BBS7: variants seen among roughly 807,000 people sequenced by gnomAD.
BBS7 encodes BBSome complex member BBS7.
BBS7 carries 50 observed loss-of-function variants against 90.3 expected under a neutral mutation model. The ratio of observed to expected loss-of-function variants is 0.55; its 90% CI spans 0.44 to 0.70. The LOEUF (loss-of-function observed/expected upper bound fraction) is 0.70. Among genes scored for constraint, BBS7 ranks in the 30% least tolerant of loss-of-function variants. The probability of loss-of-function intolerance (pLI) is 0.00; values close to 1 mark genes in which losing one functional copy is unlikely to be tolerated. For missense variants in BBS7, 729 were observed against 838.9 expected, an observed-to-expected ratio of 0.87 and a Z score of 1.62; for synonymous variants, 235 against 287.4, an observed-to-expected ratio of 0.82 and a Z score of 1.85.
intron 7 of BBS7, among the ~76,000 whole-genome samples, chr4:121,853,643 GA>G (rs1726442614): frequency 1.3e-5 from 2 of 151,638 alleles, no homozygotes; most frequent in African/African-American, 2.4e-5. Context: ...GCCTAGACTA[GA>G]ATAAATTATA....
rs143399695 is a variant in BBS7 at position 121,838,527 on chromosome 4, T to C, written c.1371+1104A>G. On this transcript the variant is annotated intron_variant, in intron 13 of 18. Transcript: ENST00000264499. The stretch of plus-strand genomic sequence containing the variant: ...AAGTATTTAATTATGAAAATGACTA[T>C]GTCATTAAATTGCTAGAGAAAACTT... Among the ~76,000 whole-genome samples, 90 of 152,306 alleles carry C rather than the reference T, an allele frequency of 5.9e-4. 1 individual carries two copies. The highest frequency in any genetic ancestry group is 3.1e-3 in the Admixed American group (47 of 15,296).
chr4:121,856,085 T>A (rs1272814234), intron 5 of BBS7, among the ~76,000 whole-genome samples: 3 of 152,174 alleles, frequency 2.0e-5, no homozygotes, highest in Non-Finnish European at 4.4e-5. Context: ...TCCTATCAAG[T>A]CTCTAGGAAC....
chr4:121,856,184 T>C (rs559749122), intron 5 of BBS7, among the ~76,000 whole-genome samples: 10 of 152,182 alleles, frequency 6.6e-5, no homozygotes, highest in Non-Finnish European at 1.0e-4. Context: ...AGTTACTTCC[T>C]AAGGAAAATT....
chr4:121,836,973 T>G (rs532902749), intron 13 of BBS7, among the ~76,000 whole-genome samples: 100 of 152,128 alleles, frequency 6.6e-4, no homozygotes, highest in African/African-American at 2.2e-3. Context: ...TTTTTGTTTT[T>G]TTTTGAGATA....
At chr4:121,847,770 A>T (rs1383917078) in intron 9 of BBS7, among the ~76,000 whole-genome samples, 1 of 152,040 alleles carries the variant, frequency 6.6e-6, no homozygotes, top group Admixed American at 6.5e-5. Flanking sequence ...GGAATCTTTT[A>T]CTTAACAGAT....
In BBS7 at chr4:121,855,094, C is replaced by T. The variant is rs142410793; in HGVS notation, c.602-274G>A. Among the ~76,000 whole-genome samples, 416 of 152,150 alleles carry T rather than the reference C, an allele frequency of 2.7e-3. 1 individual carries two copies. The highest frequency in any genetic ancestry group is 9.7e-3 in the African/African-American group (403 of 41,504). On this transcript the variant is annotated intron_variant, in intron 6 of 18. Transcript: ENST00000264499. ...TTGGGAGACTGAGGTGAGAGGATCC[C>T]TTGAGCCCAGGAGTTCCAGACTAAC...
rs191806500 is a variant in BBS7 at position 121,826,776 on chromosome 4, G to A, written c.2015-783C>T. ...AGGTGGGCAGATCACGAAGTCAGGGGTTGGAGACCAGCCTGGCCAATATGG... is the reference window on the plus strand; with the variant it reads ...AGGTGGGCAGATCACGAAGTCAGGGATTGGAGACCAGCCTGGCCAATATGG... On this transcript the variant is annotated intron_variant, in intron 18 of 18. Coordinates refer to ENST00000264499, the MANE Select transcript of BBS7 (RefSeq NM_176824.3). 2.6e-4 allele frequency among the ~76,000 whole-genome samples: 39 copies of A among 152,256 alleles called. 1 individual carries two copies. In the South Asian group the frequency reaches 2.9e-3, roughly 11 times the overall value.
Position 121,842,108 on chromosome 4 carries a change from C to T in BBS7, c.1305+1819G>A, listed in dbSNP as rs182566967. The stretch of plus-strand genomic sequence containing the variant: ...CTCTACTAAAAATACAAAAATTAGC[C>T]GGGTGTGGTGGCGTGTGCGTGTAGT... On this transcript the variant is annotated intron_variant, in intron 12 of 18. Transcript: ENST00000264499. Among the ~76,000 whole-genome samples the T allele has an allele frequency of 3.1e-4, 47 of 151,682 alleles. 1 individual carries two copies. Among genetic ancestry groups the T allele is most frequent in the South Asian group, 1.9e-3 (9 of 4,792 alleles).
intron 8 of BBS7, among the ~76,000 whole-genome samples, chr4:121,850,144 T>C (rs1334647936): frequency 6.6e-6 from 1 of 151,856 alleles, no homozygotes; most frequent in Non-Finnish European, 1.5e-5. Context: ...TTAAAATAAT[T>C]GTAGGGAGCT....
chr4:121,845,474 T>C (rs1171615044), intron 11 of BBS7, 30 bp downstream of exon 11: 1 of 1,577,266 alleles, frequency 6.3e-7, no homozygotes, highest in Admixed American at 1.7e-5. Flanking sequence ...GATCCAGTCA[T>C]AAAACTAAGA....
At position 121,835,300 on chromosome 4, in the gene BBS7, G is replaced by A; in HGVS notation, c.1372-17C>T. 6.2e-7 allele frequency: 1 copy of A among 1,613,238 alleles called. No homozygotes were observed. The highest frequency in any genetic ancestry group is 8.5e-7 in the Non-Finnish European group (1 of 1,179,390). On this transcript the variant is annotated splice_polypyrimidine_tract_variant and intron_variant, in intron 13 of 18. Transcript: ENST00000264499. ...TGAGCGAATCTGATTCAACACAAAA[G>A]AGGAAATAAAATAAGAATATTTAGC...
Position 121,870,413 on chromosome 4 carries a change from C to T in BBS7, c.-100G>A, listed in dbSNP as rs1727525968. The T allele has an allele frequency of 7.1e-7, 1 of 1,404,320 alleles. No individual in the cohort carries two copies. Among genetic ancestry groups the T allele is most frequent in the Non-Finnish European group, 1.0e-6 (1 of 998,684 alleles). The allele number at this position is 1,404,320 out of a possible 1,614,324, so 87.0% of individuals were successfully genotyped here. ...GACCCAGTCAGAAGGCTGCCCGCGCCCCTCAAAAGCCAGCCCCAGCTACCG... is the reference window on the plus strand; with the variant it reads ...GACCCAGTCAGAAGGCTGCCCGCGCTCCTCAAAAGCCAGCCCCAGCTACCG... On this transcript the variant is annotated 5_prime_UTR_variant, in exon 1 of 19. Coordinates refer to ENST00000264499, the MANE Select transcript of BBS7 (RefSeq NM_176824.3).
chr4:121,845,254 G>A lies in BBS7; in HGVS notation c.1230+250C>T, dbSNP rs144966719. 5.5e-3 allele frequency among the ~76,000 whole-genome samples: 837 copies of A among 152,152 alleles called. 9 individuals carry two copies. The highest frequency in any genetic ancestry group is 0.019 in the African/African-American group (798 of 41,502). ...GTGGTGGCACATACCTGTAGTCCCAGCTACTCGGGAGGCTGAGGCAGGAGA... is the reference window on the plus strand; with the variant it reads ...GTGGTGGCACATACCTGTAGTCCCAACTACTCGGGAGGCTGAGGCAGGAGA... On this transcript the variant is annotated intron_variant, in intron 11 of 18. Transcript: ENST00000264499.
At chr4:121,847,046 G>C (rs190511393) in intron 10 of BBS7, among the ~76,000 whole-genome samples, 1 of 152,012 alleles carries the variant, frequency 6.6e-6, no homozygotes, top group East Asian at 1.9e-4. Context: ...AACAGCAAAC[G>C]TTAGAGTTAA....
chr4:121,836,179 T>C (rs1011746088), intron 13 of BBS7, among the ~76,000 whole-genome samples: 5 of 152,162 alleles, frequency 3.3e-5, no homozygotes, highest in African/African-American at 9.7e-5. Context: ...TAACAGGAAA[T>C]AGTAATTCAC....
intron 12 of BBS7, among the ~76,000 whole-genome samples, chr4:121,841,151 C>G (rs998688513): frequency 3.9e-5 from 6 of 151,906 alleles, no homozygotes; most frequent in African/African-American, 1.2e-4. Flanking sequence ...TAAATGTGTT[C>G]TTGTATGATT....
At chr4:121,848,764 A>G (rs1354060137) in intron 9 of BBS7, 80 bp downstream of exon 9, 2 of 1,142,258 alleles carry the variant, frequency 1.8e-6, no homozygotes, top group Non-Finnish European at 2.6e-6. Flanking sequence ...TTTTAAAAAG[A>G]GTCATCAAAA....
chr4:121,829,536 G>T (rs1725076310), intron 15 of BBS7, among the ~76,000 whole-genome samples: 1 of 152,086 alleles, frequency 6.6e-6, no homozygotes, highest in South Asian at 2.1e-4. Context: ...GAGATTACAG[G>T]CGTGAGCCAC....
chr4:121,870,334 A>C lies in BBS7; in HGVS notation c.-21T>G. The C allele has an allele frequency of 6.2e-7, 1 of 1,614,106 alleles. No homozygotes were observed. The highest frequency in any genetic ancestry group is 1.7e-5 in the Admixed American group (1 of 60,024). ...TCCATGATGACTACGCGGAGGGGCT[A>C]AGCAGCGCCGGACAAGAACAGGAGG... On this transcript the variant is annotated 5_prime_UTR_variant, in exon 1 of 19. Coordinates refer to ENST00000264499, the MANE Select transcript of BBS7 (RefSeq NM_176824.3).
Sources: allele counts gnomAD v4.1 joint callset (sites outside exome capture counted in the v4.1 genomes callset), GRCh38; gene constraint gnomAD v4.1.1; transcripts MANE v1.5; gene names NCBI Gene and HGNC (gene_info 2026-07-23, HGNC 2026-07-21).